The following PEBP4 variants were observed in gnomAD, a reference collection of about 807,000 sequenced individuals.
The protein encoded by PEBP4 is phosphatidylethanolamine-binding protein 4.
In PEBP4, 22 loss-of-function variants were observed where a neutral mutation model predicts 23.9. The observed-to-expected ratio is 0.92, with a 90% confidence interval of 0.66 to 1.31. The LOEUF (loss-of-function observed/expected upper bound fraction) is 1.31. PEBP4 is among the 40% of genes most tolerant of loss of function. The pLI is 0.00. For missense variants in PEBP4, 324 were observed against 281.7 expected (o/e 1.15, Z -1.07); for synonymous variants, 112 against 99.3 (o/e 1.13, Z -0.76).
chr8:22,875,255 G>A (rs1585318128), intron 3 of PEBP4, among the ~76,000 whole-genome samples: 1 of 151,642 alleles, frequency 6.6e-6, no homozygotes, highest in Non-Finnish European at 1.5e-5. Flanking sequence ...TCTTGAAATC[G>A]CATAGGATAG....
intron 3 of PEBP4, among the ~76,000 whole-genome samples, chr8:22,908,364 G>A (rs1205810360): frequency 2.0e-5 from 3 of 149,030 alleles, no homozygotes; most frequent in African/African-American, 7.5e-5. Context: ...AGGCCAAGGG[G>A]AAAACAAACA....
chr8:22,793,408 AG>A lies in PEBP4; in HGVS notation c.357+24228del, dbSNP rs570273328. ...CAGCCTCCCATGTAGCTGGGATTAC[AG>A]GCATGCACCACCACGCCCAGCTCAT... On this transcript the variant is annotated intron_variant, in intron 4 of 6. Coordinates refer to ENST00000256404, the MANE Select transcript of PEBP4 (RefSeq NM_144962.3). 8.7e-5 allele frequency among the ~76,000 whole-genome samples: 13 copies of A among 149,542 alleles called. No homozygotes were observed. The South Asian group carries it at 2.5e-3, about 29-fold the overall frequency.
At chr8:22,834,301 G>A (rs1040254394) in intron 3 of PEBP4, among the ~76,000 whole-genome samples, 8 of 152,174 alleles carry the variant, frequency 5.3e-5, no homozygotes, top group South Asian at 2.1e-4. Context: ...GCTGCTCTTC[G>A]CCAGGGCTGA....
chr8:22,725,900 C>T (rs1352601419), intron 5 of PEBP4, among the ~76,000 whole-genome samples: 2 of 152,222 alleles, frequency 1.3e-5, no homozygotes, highest in Non-Finnish European at 2.9e-5. Flanking sequence ...GAGTCCCTCA[C>T]TGTGCACTTC....
intron 3 of PEBP4, among the ~76,000 whole-genome samples, chr8:22,821,984 CA>C (rs113380878): frequency 2.2e-4 from 29 of 130,924 alleles, no homozygotes; most frequent in Admixed American, 3.9e-4. Context: ...GACCTCGTCT[CA>C]AAAAAAAAAA....
At chr8:22,864,900 A>T (rs1807854270) in intron 3 of PEBP4, among the ~76,000 whole-genome samples, 2 of 152,176 alleles carry the variant, frequency 1.3e-5, no homozygotes, top group African/African-American at 4.8e-5. Context: ...CTGTGTGGGA[A>T]GGTCGGGGCA....
At chr8:22,799,774 A>G (rs1806342309) in intron 4 of PEBP4, among the ~76,000 whole-genome samples, 1 of 152,138 alleles carries the variant, frequency 6.6e-6, no homozygotes, top group Non-Finnish European at 1.5e-5. Context: ...TCATTGTTCA[A>G]TTCCCACCTA....
intron 4 of PEBP4, among the ~76,000 whole-genome samples, chr8:22,762,506 T>C (rs892790899): frequency 3.3e-5 from 5 of 152,166 alleles, no homozygotes; most frequent in African/African-American, 4.8e-5. Flanking sequence ...GCAAGGTCAA[T>C]TTTGAGATGT....
chr8:22,818,386 A>G (rs1806790632), intron 3 of PEBP4, among the ~76,000 whole-genome samples: 1 of 152,176 alleles, frequency 6.6e-6, no homozygotes, highest in Non-Finnish European at 1.5e-5. Flanking sequence ...GGGTGGGATG[A>G]GAGGTGGGAA....
At chr8:22,724,796 C>T (rs778797468) in intron 6 of PEBP4, 47 bp downstream of exon 6, 1 of 1,462,948 alleles carries the variant, frequency 6.8e-7, no homozygotes, top group Admixed American at 1.7e-5. Context: ...GTTTGTTCCA[C>T]CCCAGAATTC....
At chr8:22,796,637 C>T (rs1806265743) in intron 4 of PEBP4, among the ~76,000 whole-genome samples, 3 of 152,140 alleles carry the variant, frequency 2.0e-5, no homozygotes, top group Admixed American at 2.0e-4. Context: ...ATGTCAGCAC[C>T]TAAGATGGTT....
intron 5 of PEBP4, among the ~76,000 whole-genome samples, chr8:22,726,954 T>G (rs1234323718): frequency 6.6e-6 from 1 of 152,204 alleles, no homozygotes; most frequent in Admixed American, 6.5e-5. Context: ...TTACTAGCCA[T>G]TCACATGGCG....
chr8:22,751,837 T>C (rs1284037257), intron 4 of PEBP4, among the ~76,000 whole-genome samples: 4 of 152,152 alleles, frequency 2.6e-5, no homozygotes, highest in Non-Finnish European at 5.9e-5. Context: ...TCAGCCTGCC[T>C]TCCCATTGTC....
intron 4 of PEBP4, among the ~76,000 whole-genome samples, chr8:22,756,555 A>G (rs530165151): frequency 6.6e-6 from 1 of 151,958 alleles, no homozygotes; most frequent in African/African-American, 2.4e-5. Context: ...CCCCACGTGG[A>G]CTGGGGATGC....
At chr8:22,784,539 G>A (rs1056530170) in intron 4 of PEBP4, among the ~76,000 whole-genome samples, 12 of 152,334 alleles carry the variant, frequency 7.9e-5, no homozygotes, top group East Asian at 1.9e-4. Flanking sequence ...CCAACCTCCC[G>A]ACCTCCCGTC....
chr8:22,750,990 A>G (rs1805243419), intron 4 of PEBP4, among the ~76,000 whole-genome samples: 1 of 152,200 alleles, frequency 6.6e-6, no homozygotes, highest in African/African-American at 2.4e-5. Flanking sequence ...TGCCCTTGTG[A>G]GTGATGTTCA....
chr8:22,909,369 T>G (rs1043758228), intron 3 of PEBP4, among the ~76,000 whole-genome samples: 6 of 152,208 alleles, frequency 3.9e-5, no homozygotes, highest in Admixed American at 3.9e-4. Context: ...AATGGCTTCT[T>G]CTGACTCAAT....
At chr8:22,715,798 C>T (rs1023622165) in intron 6 of PEBP4, among the ~76,000 whole-genome samples, 1 of 152,222 alleles carries the variant, frequency 6.6e-6, no homozygotes, top group Non-Finnish European at 1.5e-5. Context: ...CTCCTTACAC[C>T]CCCTGTTTCC....
chr8:22,769,089 G>A (rs989785507), intron 4 of PEBP4, among the ~76,000 whole-genome samples: 2 of 152,150 alleles, frequency 1.3e-5, no homozygotes, highest in African/African-American at 4.8e-5. Context: ...TGTCCCCCAG[G>A]GACGATCTCC....
Sources: allele counts gnomAD v4.1 joint callset (sites outside exome capture counted in the v4.1 genomes callset), GRCh38; gene constraint gnomAD v4.1.1; transcripts MANE v1.5; gene names NCBI Gene and HGNC (gene_info 2026-07-23, HGNC 2026-07-21).